Variants in PPFIA2 observed in about 807,000 individuals in gnomAD.
The protein encoded by PPFIA2 is liprin-alpha-2.
A neutral mutation model predicts 175.5 loss-of-function variants in PPFIA2; 46 were observed. That is an observed-to-expected ratio of 0.26 (90% CI 0.21 to 0.34). The LOEUF (loss-of-function observed/expected upper bound fraction) is 0.34, where lower values mean the gene tolerates loss of function less well. Ranked by LOEUF, PPFIA2 falls within the 10% of genes least tolerant of loss-of-function variation. The pLI, the probability that PPFIA2 is intolerant of heterozygous loss-of-function variation, is 1.00. For missense variants in PPFIA2, 1,179 were observed against 1,506.1 expected (o/e 0.78, Z 3.60); for synonymous variants, 568 against 511.4 (o/e 1.11, Z -1.49).
At chr12:81,494,865 G>A (rs1286044523) in intron 4 of PPFIA2, among the ~76,000 whole-genome samples, 2 of 146,048 alleles carry the variant, frequency 1.4e-5, no homozygotes, top group African/African-American at 5.1e-5. Flanking sequence ...AACACCGCAT[G>A]TTCTCACTCA....
At chr12:81,284,484 C>A in intron 24 of PPFIA2, 181 bp from the exon 25 acceptor site, 1 of 520,984 alleles carries the variant, frequency 1.9e-6, no homozygotes, top group South Asian at 3.1e-5. Flanking sequence ...TTCTTCTACT[C>A]AAAAAGATTA....
chr12:81,704,187 A>G (rs2076830681), intron 3 of PPFIA2, among the ~76,000 whole-genome samples: 1 of 152,130 alleles, frequency 6.6e-6, no homozygotes, highest in Non-Finnish European at 1.5e-5. Context: ...GTACACTTAA[A>G]TAGTGAAGTA....
intron 11 of PPFIA2, 43 bp from the exon 12 acceptor site, chr12:81,369,237 G>T (rs773987867): frequency 6.3e-7 from 1 of 1,588,280 alleles, no homozygotes; most frequent in Admixed American, 1.8e-5. Flanking sequence ...GTAAGATTTG[G>T]TTAACACTTT....
At chr12:81,372,511 C>CAGAAAAAAAAAAAAAAAAA (rs2035383941) in intron 11 of PPFIA2, among the ~76,000 whole-genome samples, 3 of 68,242 alleles carry the variant, frequency 4.4e-5, no homozygotes, top group African/African-American at 1.3e-4. Context: ...CAAATTGAAA[C>CAGAAAAAAAAAAAAAAAAA]AGAAAAAAAA....
At chr12:81,273,171 A>G (rs1269554812) in intron 28 of PPFIA2, among the ~76,000 whole-genome samples, 1 of 152,164 alleles carries the variant, frequency 6.6e-6, no homozygotes, top group Non-Finnish European at 1.5e-5. Context: ...TTTTTAGATT[A>G]TAATTCCATC....
chr12:81,410,368 G>A (rs578043273), intron 7 of PPFIA2, among the ~76,000 whole-genome samples: 27 of 152,060 alleles, frequency 1.8e-4, no homozygotes, highest in South Asian at 8.3e-4. Flanking sequence ...AGTTAATAGC[G>A]GGCTGGGATA....
At chr12:81,648,394 C>A (rs1251891449) in intron 4 of PPFIA2, among the ~76,000 whole-genome samples, 2 of 151,836 alleles carry the variant, frequency 1.3e-5, no homozygotes, top group African/African-American at 2.4e-5. Flanking sequence ...AGTAAGATTG[C>A]ATGATACAAA....
At chr12:81,694,841 G>C (rs1022055968) in intron 3 of PPFIA2, among the ~76,000 whole-genome samples, 2 of 152,178 alleles carry the variant, frequency 1.3e-5, no homozygotes, top group Non-Finnish European at 2.9e-5. Context: ...ACACAGAAGT[G>C]GAGCTTTCCA....
At chr12:81,735,189 GATT>G (rs2081413362) in intron 3 of PPFIA2, among the ~76,000 whole-genome samples, 2 of 151,684 alleles carry the variant, frequency 1.3e-5, no homozygotes, top group Non-Finnish European at 2.9e-5. Context: ...TAAACTACTA[GATT>G]ATTTTTATGG....
chr12:81,354,366 G>T (rs1426153243), intron 16 of PPFIA2, among the ~76,000 whole-genome samples: 3 of 152,048 alleles, frequency 2.0e-5, no homozygotes, highest in African/African-American at 7.2e-5. Flanking sequence ...ATCCTTTGTT[G>T]TCATTTTAAC....
chr12:81,725,502 A>C (rs1192415484), intron 3 of PPFIA2, among the ~76,000 whole-genome samples: 1 of 150,950 alleles, frequency 6.6e-6, no homozygotes, highest in Non-Finnish European at 1.5e-5. Context: ...ACCTATTAGA[A>C]GGAAACCAAA....
chr12:81,487,192 A>G (rs932852241), intron 4 of PPFIA2, among the ~76,000 whole-genome samples: 17 of 151,796 alleles, frequency 1.1e-4, no homozygotes, highest in Non-Finnish European at 2.2e-4. Flanking sequence ...TTATCTGTCT[A>G]TTTACATGAG....
At chr12:81,302,731 A>G (rs1364049379) in intron 22 of PPFIA2, 2 of 447,686 alleles carry the variant, frequency 4.5e-6, no homozygotes, top group South Asian at 1.6e-5. Context: ...AAAAAAGAAC[A>G]GCATTGAAAT....
At chr12:81,549,349 A>G (rs964217113) in intron 4 of PPFIA2, among the ~76,000 whole-genome samples, 1 of 152,094 alleles carries the variant, frequency 6.6e-6, no homozygotes, top group African/African-American at 2.4e-5. Flanking sequence ...GTATATTCTA[A>G]GAAAAAAATC....
At chr12:81,635,757 A>T (rs1445066012) in intron 4 of PPFIA2, among the ~76,000 whole-genome samples, 1 of 152,196 alleles carries the variant, frequency 6.6e-6, no homozygotes, top group Non-Finnish European at 1.5e-5. Flanking sequence ...TGGAAGCTAG[A>T]TTGCCTATAA....
chr12:81,592,616 CTT>C, intron 4 of PPFIA2, among the ~76,000 whole-genome samples: 1 of 152,284 alleles, frequency 6.6e-6, no homozygotes, highest in East Asian at 1.9e-4. Flanking sequence ...CAAGCTCTCT[CTT>C]TGCCTACTGC....
chr12:81,635,339 A>G (rs1464262625), intron 4 of PPFIA2, among the ~76,000 whole-genome samples: 1 of 152,218 alleles, frequency 6.6e-6, no homozygotes, highest in Non-Finnish European at 1.5e-5. Context: ...TATTCTATTA[A>G]AGGAATATAT....
At chr12:81,462,979 G>A (rs145320903) in intron 4 of PPFIA2, among the ~76,000 whole-genome samples, 1 of 151,960 alleles carries the variant, frequency 6.6e-6, no homozygotes, top group Non-Finnish European at 1.5e-5. Flanking sequence ...GAAAGTATGT[G>A]TTTAACTAAT....
chr12:81,710,771 T>C (rs566426083), intron 3 of PPFIA2, among the ~76,000 whole-genome samples: 11 of 147,684 alleles, frequency 7.4e-5, no homozygotes, highest in African/African-American at 2.7e-4. Flanking sequence ...CTGCAACCTG[T>C]CACATGAGGT....
Sources: gnomAD v4.1 joint callset for allele counts (sites outside exome capture counted in the v4.1 genomes callset) on GRCh38, gnomAD v4.1.1 for gene constraint, MANE v1.5 for transcripts, NCBI Gene and HGNC (gene_info 2026-07-23, HGNC 2026-07-21) for gene names.